Variants in LPA observed in about 807,000 individuals in gnomAD.
LPA encodes the protein apolipoprotein(a).
LPA carries 199 observed loss-of-function variants against 197.9 expected under a neutral mutation model. The observed-to-expected ratio is 1.01, with a 90% CI of 0.90 to 1.13. The LOEUF is 1.13. LPA is among the 50% of genes most tolerant of loss of function. The probability of loss-of-function intolerance (pLI) is 0.00; values close to 1 mark genes in which losing one functional copy is unlikely to be tolerated. For missense variants in LPA, 1,853 were observed against 1,785.8 expected, an observed-to-expected ratio of 1.04 and a Z score of -0.68; for synonymous variants, 715 against 639.5, an observed-to-expected ratio of 1.12 and a Z score of -1.78.
chr6:160,610,432 G>A (rs368427385), intron 16 of LPA, among the ~76,000 whole-genome samples: 7 of 152,244 alleles, frequency 4.6e-5, no homozygotes, highest in Admixed American at 2.6e-4. Flanking sequence ...AATGTGTTCC[G>A]TGAGCACTCT....
At chr6:160,553,691 G>C (rs1461649509) in intron 30 of LPA, among the ~76,000 whole-genome samples, 1 of 152,052 alleles carries the variant, frequency 6.6e-6, no homozygotes, top group African/African-American at 2.4e-5. Context: ...ATAGAGTTTT[G>C]CTTTTAAAAA....
In LPA at chr6:160,570,274, G is replaced by A. The variant is rs6940297; in HGVS notation, c.4631+6862C>T. 6.6e-3 allele frequency among the ~76,000 whole-genome samples: 1,001 copies of A among 152,282 alleles called. 15 individuals carry two copies. Among genetic ancestry groups the A allele is most frequent in the African/African-American group, 0.023 (935 of 41,554 alleles). ...TGGTAGACTGGATTAAGAAAATGTG[G>A]CACATATACACCATGGAATACTATG... On this transcript the variant is annotated intron_variant, in intron 28 of 38. Coordinates refer to ENST00000316300, the MANE Select transcript of LPA (RefSeq NM_005577.4).
chr6:160,549,502 T>C (rs925653268), intron 30 of LPA, among the ~76,000 whole-genome samples: 4 of 152,188 alleles, frequency 2.6e-5, no homozygotes, highest in African/African-American at 9.7e-5. Context: ...GGAACTAACA[T>C]ATATTTCTCC....
intron 28 of LPA, among the ~76,000 whole-genome samples, chr6:160,563,433 T>C (rs1227772106): frequency 6.6e-6 from 1 of 152,186 alleles, no homozygotes; most frequent in Non-Finnish European, 1.5e-5. Flanking sequence ...TCTGAGAGAC[T>C]GTTTGTTATG....
intron 26 of LPA, among the ~76,000 whole-genome samples, chr6:160,584,239 C>CTTCTTCCTCCTT (rs1562331288): frequency 3.1e-4 from 26 of 82,614 alleles, no homozygotes; most frequent in Admixed American, 1.8e-3. Flanking sequence ...TCTTCTTCTT[C>CTTCTTCCTCCTT]CTCCTCCTCC....
At chr6:160,661,739 T>C (rs1371483785) in intron 1 of LPA, among the ~76,000 whole-genome samples, 2 of 152,222 alleles carry the variant, frequency 1.3e-5, no homozygotes, top group African/African-American at 4.8e-5. Flanking sequence ...GAAATAGATA[T>C]TTTAGGCCCA....
chr6:160,608,306 C>A (rs999205953), intron 16 of LPA, among the ~76,000 whole-genome samples: 10 of 152,122 alleles, frequency 6.6e-5, no homozygotes, highest in Non-Finnish European at 1.2e-4. Flanking sequence ...GGGCAGTGCA[C>A]AACATACATT....
At chr6:160,603,414 A>AT (rs1779284092) in intron 18 of LPA, among the ~76,000 whole-genome samples, 1 of 151,960 alleles carries the variant, frequency 6.6e-6, no homozygotes, top group South Asian at 2.1e-4. Flanking sequence ...ACATCCAGTA[A>AT]TTTTTTCATT....
intron 28 of LPA, among the ~76,000 whole-genome samples, chr6:160,576,538 T>A (rs1778682481): frequency 6.9e-6 from 1 of 144,652 alleles, no homozygotes; most frequent in African/African-American, 2.5e-5. Flanking sequence ...ATAAAAATAC[T>A]CAGACATACA....
At chr6:160,631,991 A>AATTTGTGTGTGTGTGTGT (rs368376813) in intron 8 of LPA, among the ~76,000 whole-genome samples, 1 of 131,276 alleles carries the variant, frequency 7.6e-6, no homozygotes, top group African/African-American at 2.7e-5. Context: ...GTGTGTTTTC[A>AATTTGTGTGTGTGTGTGT]GTGTGTGTGT....
intron 18 of LPA, among the ~76,000 whole-genome samples, chr6:160,602,824 C>T (rs1037286797): frequency 1.3e-5 from 2 of 151,958 alleles, no homozygotes; most frequent in Non-Finnish European, 2.9e-5. Flanking sequence ...TAATGATATC[C>T]CCTGTTAACT....
chr6:160,545,459 G>A lies in LPA; in HGVS notation c.5379C>T (p.Tyr1793=). The A allele has an allele frequency of 1.2e-6, 2 of 1,608,852 alleles. No homozygotes were observed. Among genetic ancestry groups the A allele is most frequent in the Non-Finnish European group, 1.7e-6 (2 of 1,175,568 alleles). The change falls in exon 33 of 39, where the codon TAC becomes TAT. Residue 1793 remains tyrosine, a synonymous_variant. Transcript: ENST00000316300. Reference sequence around the variant, plus strand: ...ACTTACCACAGAGAGGGATATCACAGTAGTCAAAAAGTTTTCTTGGATTCA... The same window carrying A: ...ACTTACCACAGAGAGGGATATCACAATAGTCAAAAAGTTTTCTTGGATTCA... ...YTMNPRKLFD[Y]CDIPLCASSS...
intron 26 of LPA, among the ~76,000 whole-genome samples, chr6:160,583,459 G>A (rs60700834): frequency 0.055 from 8,398 of 152,036 alleles, 266 homozygotes; most frequent in Middle Eastern, 0.12. Context: ...ATGGTTTTTT[G>A]GGGTCTTTGC....
chr6:160,576,395 TATATATATATATATATATATGG>T lies in LPA; in HGVS notation c.4631+719_4631+740del, dbSNP rs1562328005. ...ATATATATATATATATATATGTATA[TATATATATATATATATATATGG>T]GTATATATATATATACACACATGCA... On this transcript the variant is annotated intron_variant, in intron 28 of 38. Coordinates refer to ENST00000316300, the MANE Select transcript of LPA (RefSeq NM_005577.4). Among the ~76,000 whole-genome samples, 159 of 35,602 alleles carry T rather than the reference TATATATATATATATATATATGG, an allele frequency of 4.5e-3. 1 individual carries two copies. In the East Asian group the frequency reaches 0.12, roughly 27 times the overall value. 23.4% of individuals were successfully genotyped at this position (35,602 alleles called of 152,430 possible).
intron 30 of LPA, 88 bp downstream of exon 30, chr6:160,555,937 G>T: frequency 6.8e-6 from 8 of 1,168,010 alleles, no homozygotes; most frequent in Non-Finnish European, 9.0e-6. Flanking sequence ...AGGGAAATTT[G>T]TCCTAACAAG....
chr6:160,647,349 G>T (rs1370792008), intron 2 of LPA, among the ~76,000 whole-genome samples: 1 of 152,152 alleles, frequency 6.6e-6, no homozygotes, highest in Non-Finnish European at 1.5e-5. Context: ...TCCCAAGAAC[G>T]TTGCTCCAAC....
At chr6:160,567,279 A>G (rs567756971) in intron 28 of LPA, among the ~76,000 whole-genome samples, 1 of 152,376 alleles carries the variant, frequency 6.6e-6, no homozygotes, top group South Asian at 2.1e-4. Flanking sequence ...AAGAACAGAA[A>G]TTATAACAAA....
rs976974110 is a variant in LPA at position 160,561,094 on chromosome 6, A to G, written c.4632-3523T>C. 2.6e-5 allele frequency among the ~76,000 whole-genome samples: 4 copies of G among 152,212 alleles called. No homozygotes were observed. The East Asian group carries it at 5.8e-4, about 22-fold the overall frequency. ...CCAGCTAATTTTTTGTATTTTTAGT[A>G]GAGATGGGCTTTCACTGTGTTAGCC... On this transcript the variant is annotated intron_variant, in intron 28 of 38. Transcript: ENST00000316300.
rs756575427 is a variant in LPA at position 160,590,968 on chromosome 6, T to A, written c.3763A>T (p.Thr1255Ser). The change falls in exon 23 of 39, where the codon ACG (threonine) becomes TCG (serine). Residue 1255 changes from threonine to serine, a missense_variant. Thr to Ser is a moderately conservative substitution (Grantham distance 58). Around this residue, in one of 3 missense-constraint regions of LPA, gnomAD observed 1,737 missense variants for 1,504.4 expected, o/e 1.15. Coordinates refer to ENST00000316300, the MANE Select transcript of LPA (RefSeq NM_005577.4). ...CCTTGTTCAGAAACAGCCGTGGACG[T>A]CGCAAGGACACTTGATTCTGTCACT... Reference protein sequence around the residue: ...CPVTESSVLATSTAVSEQAPT... With the variant: ...CPVTESSVLASSTAVSEQAPT... The A allele has an allele frequency of 2.5e-6, 4 of 1,613,994 alleles. No homozygotes were observed. Among genetic ancestry groups the A allele is most frequent in the African/African-American group, 1.3e-5 (1 of 75,030 alleles).
Sources: allele counts gnomAD v4.1 joint callset (sites outside exome capture counted in the v4.1 genomes callset), GRCh38; gene constraint gnomAD v4.1.1; regional missense constraint gnomAD v4.1.1; transcripts MANE v1.5; gene names NCBI Gene and HGNC (gene_info 2026-07-23, HGNC 2026-07-21).